The following FER variants were observed in gnomAD, a reference collection of about 807,000 sequenced individuals.
FER encodes FER tyrosine kinase, also known as tyrosine-protein kinase Fer.
In FER, 63 loss-of-function variants were observed where a neutral mutation model predicts 111.0. The observed-to-expected ratio is 0.57, with a 90% CI of 0.46 to 0.70. FER has a LOEUF of 0.70. Among genes scored for constraint, FER ranks in the 30% least tolerant of loss-of-function variants. FER has a pLI of 0.00. For missense variants in FER, 914 were observed against 954.0 expected (o/e 0.96, Z 0.55); for synonymous variants, 327 against 313.9 (o/e 1.04, Z -0.44).
chr5:108,930,667 C>A (rs1453789576), intron 10 of FER, among the ~76,000 whole-genome samples: 2 of 137,002 alleles, frequency 1.5e-5, no homozygotes, highest in East Asian at 4.4e-4. Context: ...GTCTCCCAGG[C>A]TGGTTGTGCC....
chr5:108,805,937 A>C (rs1757157819), intron 3 of FER, among the ~76,000 whole-genome samples: 1 of 152,230 alleles, frequency 6.6e-6, no homozygotes, highest in East Asian at 1.9e-4. Context: ...ATAAGTAACA[A>C]GGAATTGAAT....
intron 17 of FER, among the ~76,000 whole-genome samples, chr5:109,125,115 A>T (rs1043981216): frequency 6.6e-6 from 1 of 151,986 alleles, no homozygotes; most frequent in Non-Finnish European, 1.5e-5. Flanking sequence ...CTTAAAACAA[A>T]TGACTTTATT....
intron 14 of FER, among the ~76,000 whole-genome samples, chr5:109,038,752 A>G (rs138542841): frequency 2.0e-5 from 3 of 152,014 alleles, no homozygotes; most frequent in Non-Finnish European, 4.4e-5. Context: ...TTTCCATGAT[A>G]CAATTAAATA....
At chr5:109,126,159 A>T (rs953575178) in intron 17 of FER, among the ~76,000 whole-genome samples, 2 of 152,218 alleles carry the variant, frequency 1.3e-5, no homozygotes, top group African/African-American at 4.8e-5. Flanking sequence ...AAAACACGAA[A>T]AAAGACGCTA....
chr5:108,768,224 A>G lies in FER; in HGVS notation c.-74A>G, dbSNP rs188764630. The G allele has an allele frequency of 4.6e-5, 7 of 152,358 alleles. No individual in the cohort carries two copies. The highest frequency in any genetic ancestry group is 7.3e-5 in the Non-Finnish European group (5 of 68,040). 9.4% of individuals were successfully genotyped at this position (152,358 alleles called of 1,614,324 possible). On this transcript the variant is annotated 5_prime_UTR_variant, in exon 2 of 20. An upstream start codon of the reference 5' UTR is lost. Coordinates refer to ENST00000281092, the MANE Select transcript of FER (RefSeq NM_005246.4). ...TACTTTAGCTAAGGCATGACCAGCA[A>G]TGAACAGTAGTAAGGTAGGATTACT...
chr5:108,800,023 AGT>A (rs1327255848), intron 3 of FER, among the ~76,000 whole-genome samples: 2 of 151,628 alleles, frequency 1.3e-5, no homozygotes, highest in African/African-American at 4.8e-5. Context: ...TTGTATTTTT[AGT>A]GCAGATGGGG....
At chr5:109,100,921 A>G (rs1192124803) in intron 17 of FER, among the ~76,000 whole-genome samples, 1 of 152,032 alleles carries the variant, frequency 6.6e-6, no homozygotes, top group East Asian at 1.9e-4. Flanking sequence ...TAAAACAGCA[A>G]TTCATAACAG....
At chr5:109,165,043 T>C (rs1253380092) in intron 17 of FER, among the ~76,000 whole-genome samples, 1 of 152,188 alleles carries the variant, frequency 6.6e-6, no homozygotes, top group Non-Finnish European at 1.5e-5. Flanking sequence ...TATTTGATGA[T>C]GTATTATTTA....
chr5:109,104,264 A>G (rs907497475), intron 17 of FER, among the ~76,000 whole-genome samples: 85 of 152,200 alleles, frequency 5.6e-4, no homozygotes, highest in African/African-American at 2.0e-3. Flanking sequence ...CATTGAAGAC[A>G]TTGATATTTC....
chr5:108,825,043 A>G (rs1003702545), intron 3 of FER, among the ~76,000 whole-genome samples: 2 of 152,190 alleles, frequency 1.3e-5, no homozygotes, highest in Non-Finnish European at 2.9e-5. Context: ...AGTACTTAAC[A>G]GGGTAATAGA....
chr5:108,884,319 C>A (rs1026157700), intron 9 of FER, among the ~76,000 whole-genome samples: 2 of 151,922 alleles, frequency 1.3e-5, no homozygotes, highest in African/African-American at 2.4e-5. Flanking sequence ...TATTTCAGAT[C>A]TCTGATTACT....
intron 1 of FER, among the ~76,000 whole-genome samples, chr5:108,759,001 A>G (rs776460510): frequency 6.6e-6 from 1 of 152,198 alleles, no homozygotes; most frequent in Non-Finnish European, 1.5e-5. Flanking sequence ...GAAGACAACT[A>G]AGAGATTTGT....
At chr5:109,124,075 A>G (rs1004453511) in intron 17 of FER, among the ~76,000 whole-genome samples, 1 of 152,118 alleles carries the variant, frequency 6.6e-6, no homozygotes, top group African/African-American at 2.4e-5. Flanking sequence ...AAATACAAAA[A>G]AAAAATAGCA....
chr5:109,046,282 G>A (rs1221513814), intron 15 of FER, among the ~76,000 whole-genome samples: 1 of 152,046 alleles, frequency 6.6e-6, no homozygotes, highest in Non-Finnish European at 1.5e-5. Context: ...TTACCCTGTA[G>A]CATTTGCCAG....
chr5:108,993,716 C>T (rs533455633), intron 13 of FER, among the ~76,000 whole-genome samples: 2 of 151,494 alleles, frequency 1.3e-5, no homozygotes, highest in South Asian at 2.1e-4. Context: ...GATGGTTCTT[C>T]TGATGTTAAT....
rs578218162 is a variant in FER at position 108,895,414 on chromosome 5, T to C, written c.1047-2245T>C. 9.2e-5 allele frequency among the ~76,000 whole-genome samples: 14 copies of C among 152,332 alleles called. No homozygotes were observed. The East Asian group carries it at 2.3e-3, about 25-fold the overall frequency. The stretch of plus-strand genomic sequence containing the variant: ...GTCACAAGTCAGAAATCAGTTTTAC[T>C]GGCCTAAAACTATGGTATTCCTAGG... On this transcript the variant is annotated intron_variant, in intron 9 of 19. Coordinates refer to ENST00000281092, the MANE Select transcript of FER (RefSeq NM_005246.4).
chr5:109,116,974 A>G (rs370741221), intron 17 of FER, among the ~76,000 whole-genome samples: 323 of 152,272 alleles, frequency 2.1e-3, no homozygotes, highest in Non-Finnish European at 3.6e-3. Context: ...ATTTTCTGTC[A>G]TATGTGTCAG....
chr5:108,995,858 G>T (rs1485875447), intron 13 of FER, among the ~76,000 whole-genome samples: 1 of 152,130 alleles, frequency 6.6e-6, no homozygotes, highest in Admixed American at 6.5e-5. Context: ...TTCCACAATG[G>T]CTGAACTAAT....
chr5:108,921,734 GC>G (rs1753043912), intron 10 of FER, among the ~76,000 whole-genome samples: 3 of 152,138 alleles, frequency 2.0e-5, no homozygotes, highest in African/African-American at 7.2e-5. Context: ...TTAAGTCACT[GC>G]TGAAATGGGA....
Sources: gnomAD v4.1 joint callset for allele counts (sites outside exome capture counted in the v4.1 genomes callset) on GRCh38, gnomAD v4.1.1 for gene constraint, MANE v1.5 for transcripts, NCBI Gene and HGNC (gene_info 2026-07-23, HGNC 2026-07-21) for gene names.